The following FOXC2 variants were observed in gnomAD, a reference collection of about 807,000 sequenced individuals.
FOXC2 encodes forkhead box C2, also known as forkhead box protein C2.
Under a neutral mutation model 7.2 loss-of-function variants are expected in FOXC2, and 7 were observed. That is an observed-to-expected ratio of 0.97 (90% CI 0.55 to 1.81). The LOEUF (loss-of-function observed/expected upper bound fraction) is 1.81, where lower values mean the gene tolerates loss of function less well. FOXC2 is among the 40% of genes most tolerant of loss of function. FOXC2 has a pLI of 0.00. For synonymous variants in FOXC2, 436 were observed against 350.4 expected (o/e 1.24, Z -2.73); for missense variants, 846 against 741.2 (o/e 1.14, Z -1.64).
Position 86,568,645 on chromosome 16 carries a change from G to A in FOXC2, c.1310G>A (p.Gly437Asp). 2 of 1,612,692 alleles carry A rather than the reference G, an allele frequency of 1.2e-6. No homozygotes were observed. The highest frequency in any genetic ancestry group is 1.7e-6 in the Non-Finnish European group (2 of 1,179,986). ...AGCGGGGACCTGAACCACCTCCCCG[G>A]CCACACGTTCGCGGCCCAGCAGCAA... ...NHSGDLNHLPGHTFAAQQQTF... is the reference protein window; with the variant it reads ...NHSGDLNHLPDHTFAAQQQTF... The change falls in exon 1 of 1, where the codon GGC becomes GAC. Residue 437 changes from glycine (G) to aspartate (D), a missense_variant. Coordinates refer to ENST00000649859, the MANE Select transcript of FOXC2 (RefSeq NM_005251.3). The surrounding 1 kb of genome is among the most constrained non-coding windows in gnomAD (Gnocchi z 5.2).
Position 86,568,181 on chromosome 16 carries a change from G to A in FOXC2, c.846G>A (p.Pro282=), listed in dbSNP as rs770503079. The change falls in exon 1 of 1, where the codon CCG becomes CCA. Residue 282 remains proline, a synonymous_variant. Coordinates refer to ENST00000649859, the MANE Select transcript of FOXC2 (RefSeq NM_005251.3). The surrounding 1 kb of genome is among the most constrained non-coding windows in gnomAD (Gnocchi z 5.2). Reference sequence around the variant, plus strand: ...ACATCATGACCCTGCGAACGTCGCCGCCGGGCGGAGAGCTGAGCCCGGGGG... The same window carrying A: ...ACATCATGACCCTGCGAACGTCGCCACCGGGCGGAGAGCTGAGCCCGGGGG... The part of the protein sequence containing the change: ...VENIMTLRTS[P]PGGELSPGAG... 25 of 1,286,956 alleles carry A rather than the reference G, an allele frequency of 1.9e-5. No individual in the cohort carries two copies. Among genetic ancestry groups the A allele is most frequent in the Admixed American group, 4.1e-5 (1 of 24,280 alleles). 79.7% of individuals were successfully genotyped at this position (1,286,956 alleles called of 1,614,324 possible).
At position 86,568,979 on chromosome 16, in the gene FOXC2, G is replaced by C. The variant is rs1974245656; in HGVS notation, c.*138G>C. ...CAACCTTTTCTCAGACCCGGGAGCAGAGAGCGGGCACGCTAGCCCCCAGCC... is the reference window on the plus strand; with the variant it reads ...CAACCTTTTCTCAGACCCGGGAGCACAGAGCGGGCACGCTAGCCCCCAGCC... On this transcript the variant is annotated 3_prime_UTR_variant, in exon 1 of 1. Coordinates refer to ENST00000649859, the MANE Select transcript of FOXC2 (RefSeq NM_005251.3). The surrounding 1 kb of genome is among the most constrained non-coding windows in gnomAD (Gnocchi z 5.2). 8.5e-7 allele frequency: 1 copy of C among 1,177,178 alleles called. No homozygotes were observed. Among genetic ancestry groups the C allele is most frequent in the South Asian group, 1.4e-5 (1 of 73,574 alleles). 72.9% of individuals were successfully genotyped at this position (1,177,178 alleles called of 1,614,324 possible).
In FOXC2 at chr16:86,568,026, C is replaced by G; in HGVS notation, c.691C>G (p.Leu231Val). 3.4e-6 allele frequency: 5 copies of G among 1,479,690 alleles called. No homozygotes were observed. Among genetic ancestry groups the G allele is most frequent in the Non-Finnish European group, 4.4e-6 (5 of 1,127,324 alleles). The allele number at this position is 1,479,690 out of a possible 1,614,324, so 91.7% of individuals were successfully genotyped here. Residue 231 changes from leucine (L) to valine (V), a missense_variant, in exon 1 of 1, where the codon CTG (leucine) becomes GTG (valine). Leu to Val is a conservative substitution (Grantham distance 32, BLOSUM62 1). Coordinates refer to ENST00000649859, the MANE Select transcript of FOXC2 (RefSeq NM_005251.3). This position sits in a 1 kb window ranked among gnomAD's most constrained non-coding sequence, Gnocchi z 5.2. ...GCCGGTCATCACCAAGGTGGAGACG[C>G]TGAGCCCCGAGAGCGCGCTGCAGGG... is the stretch of plus-strand genomic sequence containing the variant. Reference protein sequence around the residue: ...ALPVITKVETLSPESALQGSP... With the variant: ...ALPVITKVETVSPESALQGSP...
chr16:86,568,350 T>C lies in FOXC2; in HGVS notation c.1015T>C (p.Tyr339His). 3 of 1,362,758 alleles carry C rather than the reference T, an allele frequency of 2.2e-6. No homozygotes were observed. The highest frequency in any genetic ancestry group is 3.0e-5 in the African/African-American group (2 of 67,016). 84.4% of individuals were successfully genotyped at this position (1,362,758 alleles called of 1,614,324 possible). Residue 339 changes from tyrosine to histidine, a missense_variant, in exon 1 of 1, where the codon TAC becomes CAC. Tyr to His is a moderately conservative substitution (Grantham distance 83). Coordinates refer to ENST00000649859, the MANE Select transcript of FOXC2 (RefSeq NM_005251.3). The surrounding 1 kb of genome is among the most constrained non-coding windows in gnomAD (Gnocchi z 5.2). ...YQCSMRAMSL[Y>H]TGAERPAHMC... ...GTGCAGCATGCGAGCGATGAGCCTG[T>C]ACACCGGGGCCGAGCGGCCGGCGCA...
At position 86,568,081 on chromosome 16, in the gene FOXC2, C is replaced by A. The variant is rs754943026; in HGVS notation, c.746C>A (p.Ala249Asp). The change falls in exon 1 of 1, where the codon GCC becomes GAC. Residue 249 changes from alanine (A) to aspartate (D), a missense_variant. Physicochemically the swap from Ala to Asp is moderately radical, Grantham distance 126 (BLOSUM62 -2). Transcript: ENST00000649859. This position sits in a 1 kb window ranked among gnomAD's most constrained non-coding sequence, Gnocchi z 5.2. ...GSPRSAASTP[A>D]GSPDGSLPEH... Reference sequence around the variant, plus strand: ...CCGCGCAGCGCGGCCTCCACGCCCGCCGGCTCCCCCGACGGCTCGCTGCCG... The same window carrying A: ...CCGCGCAGCGCGGCCTCCACGCCCGACGGCTCCCCCGACGGCTCGCTGCCG... 2.3e-5 allele frequency: 32 copies of A among 1,410,500 alleles called. No homozygotes were observed. The highest frequency in any genetic ancestry group is 4.5e-4 in the Middle Eastern group (2 of 4,420). The allele number at this position is 1,410,500 out of a possible 1,614,324, so 87.4% of individuals were successfully genotyped here.
chr16:86,568,175 G>A lies in FOXC2; in HGVS notation c.840G>A (p.Thr280=), dbSNP rs1245956886. 3 of 1,288,396 alleles carry A rather than the reference G, an allele frequency of 2.3e-6. No individual in the cohort carries two copies. Among genetic ancestry groups the A allele is most frequent in the East Asian group, 3.2e-5 (1 of 31,272 alleles). 79.8% of individuals were successfully genotyped at this position (1,288,396 alleles called of 1,614,324 possible). A position where few individuals can be genotyped will look rare whatever the true frequency, so the allele number is the denominator to read the frequency against. The change falls in exon 1 of 1, where the codon ACG becomes ACA. Residue 280 remains threonine, a synonymous_variant. Transcript: ENST00000649859. The surrounding 1 kb of genome is among the most constrained non-coding windows in gnomAD (Gnocchi z 5.2). ...FSVENIMTLR[T]SPPGGELSPG... is the part of the protein sequence containing the mutation. ...TGGAGAACATCATGACCCTGCGAAC[G>A]TCGCCGCCGGGCGGAGAGCTGAGCC...
Position 86,569,116 on chromosome 16 carries a change from T to C in FOXC2, c.*275T>C. On this transcript the variant is annotated 3_prime_UTR_variant, in exon 1 of 1. Transcript: ENST00000649859. The stretch of plus-strand genomic sequence containing the variant: ...ATGAGTATTGATCTTAAAATCCCCC[T>C]CCCCTACCAGGACGGCTGTGCTGTG... 1.8e-6 allele frequency: 1 copy of C among 554,510 alleles called. No individual in the cohort carries two copies. The highest frequency in any genetic ancestry group is 3.3e-6 in the Non-Finnish European group (1 of 298,752). 34.3% of individuals were successfully genotyped at this position (554,510 alleles called of 1,614,324 possible).
At position 86,568,521 on chromosome 16, in the gene FOXC2, C is replaced by T. The variant is rs1974234526; in HGVS notation, c.1186C>T (p.His396Tyr). 7.8e-7 allele frequency: 1 copy of T among 1,283,050 alleles called. No homozygotes were observed. The highest frequency in any genetic ancestry group is 9.8e-7 in the Non-Finnish European group (1 of 1,016,262). The allele number at this position is 1,283,050 out of a possible 1,614,324, so 79.5% of individuals were successfully genotyped here. A position where few individuals can be genotyped will look rare whatever the true frequency, so the allele number is the denominator to read the frequency against. The stretch of plus-strand genomic sequence containing the variant: ...CCACCACCAGCACCACGGCCACCAC[C>T]ACCCGCAGGCGCCGCCGCCCCCGCC... The part of the protein sequence containing the change: ...GHHHQHHGHH[H>Y]PQAPPPPPAP... Residue 396 changes from histidine to tyrosine, a missense_variant, in exon 1 of 1, where the codon CAC becomes TAC. Physicochemically the swap from His to Tyr is moderately conservative, Grantham distance 83 (BLOSUM62 2). This residue lies in a region of FOXC2 where 640 missense variants were observed against 503.2 expected (regional missense o/e 1.27). Transcript: ENST00000649859. This position sits in a 1 kb window ranked among gnomAD's most constrained non-coding sequence, Gnocchi z 5.2.
chr16:86,568,550 TCCCCAGCCCCAGCCGACG>T lies in FOXC2; in HGVS notation c.1218_1235del (p.Gln409_Pro414del). 7.5e-7 allele frequency: 1 copy of T among 1,328,134 alleles called. No homozygotes were observed. The highest frequency in any genetic ancestry group is 1.5e-5 in the African/African-American group (1 of 64,584). The allele number at this position is 1,328,134 out of a possible 1,614,324, so 82.3% of individuals were successfully genotyped here. A position where few individuals can be genotyped will look rare whatever the true frequency, so the allele number is the denominator to read the frequency against. On this transcript the variant is annotated inframe_deletion, in exon 1 of 1. Coordinates refer to ENST00000649859, the MANE Select transcript of FOXC2 (RefSeq NM_005251.3). This position sits in a 1 kb window ranked among gnomAD's most constrained non-coding sequence, Gnocchi z 5.2. ...CGCAGGCGCCGCCGCCCCCGCCGGC[TCCCCAGCCCCAGCCGACG>T]CCGCAGCCCGGGGCCGCCGCGGCGC... is the stretch of plus-strand genomic sequence containing the variant.
Position 86,568,810 on chromosome 16 carries a change from C to T in FOXC2, c.1475C>T (p.Ala492Val), listed in dbSNP as rs748321311. The change falls in exon 1 of 1, where the codon GCC becomes GTC. Residue 492 changes from alanine to valine, a missense_variant. Physicochemically the swap from Ala to Val is moderately conservative, Grantham distance 64 (BLOSUM62 0). Around this residue, in one of 3 missense-constraint regions of FOXC2, gnomAD observed 640 missense variants for 503.2 expected, o/e 1.27. Coordinates refer to ENST00000649859, the MANE Select transcript of FOXC2 (RefSeq NM_005251.3). The surrounding 1 kb of genome is among the most constrained non-coding windows in gnomAD (Gnocchi z 5.2). The stretch of plus-strand genomic sequence containing the variant: ...ACGCCGCCTCTCTATCGCCACGCAG[C>T]CCCCTACTCCTACGACTGCACGAAA... The part of the protein sequence containing the change: ...RSTPPLYRHA[A>V]PYSYDCTKY The T allele has an allele frequency of 5.0e-6, 8 of 1,612,890 alleles. No individual in the cohort carries two copies. In the Admixed American group the frequency reaches 5.0e-5, roughly 10 times the overall value.
rs1974241823 is a variant in FOXC2 at position 86,568,826 on chromosome 16, C to G, written c.1491C>G (p.Asp497Glu). ...GCCACGCAGCCCCCTACTCCTACGA[C>G]TGCACGAAATACTGACGTGTCCCGG... ...LYRHAAPYSYDCTKY is the reference protein window; with the variant it reads ...LYRHAAPYSYECTKY Residue 497 changes from aspartate (D) to glutamate (E), a missense_variant, in exon 1 of 1, where the codon GAC (aspartate) becomes GAG (glutamate). By Grantham distance (45) the Asp-to-Glu change is conservative (BLOSUM62 2). This residue lies in a region of FOXC2 where 640 missense variants were observed against 503.2 expected (regional missense o/e 1.27). Transcript: ENST00000649859. This position sits in a 1 kb window ranked among gnomAD's most constrained non-coding sequence, Gnocchi z 5.2. 1.9e-6 allele frequency: 3 copies of G among 1,612,974 alleles called. No individual in the cohort carries two copies. The highest frequency in any genetic ancestry group is 2.5e-6 in the Non-Finnish European group (3 of 1,179,960).
In FOXC2 at chr16:86,568,061, C is replaced by T; in HGVS notation, c.726C>T (p.Arg242=). 6.9e-7 allele frequency: 1 copy of T among 1,444,846 alleles called. No homozygotes were observed. The highest frequency in any genetic ancestry group is 9.0e-7 in the Non-Finnish European group (1 of 1,109,528). The allele number at this position is 1,444,846 out of a possible 1,614,324, so 89.5% of individuals were successfully genotyped here. Residue 242 remains arginine (R), a synonymous_variant, in exon 1 of 1, where the codon CGC becomes CGT. Transcript: ENST00000649859. The surrounding 1 kb of genome is among the most constrained non-coding windows in gnomAD (Gnocchi z 5.2). ...AGAGCGCGCTGCAGGGCAGCCCGCG[C>T]AGCGCGGCCTCCACGCCCGCCGGCT... ...SPESALQGSP[R]SAASTPAGSP...
Position 86,568,919 on chromosome 16 carries a change from T to C in FOXC2, c.*78T>C. 1.9e-6 allele frequency: 3 copies of C among 1,579,236 alleles called. No individual in the cohort carries two copies. The highest frequency in any genetic ancestry group is 1.7e-6 in the Non-Finnish European group (2 of 1,159,136). On this transcript the variant is annotated 3_prime_UTR_variant, in exon 1 of 1. Transcript: ENST00000649859. The surrounding 1 kb of genome is among the most constrained non-coding windows in gnomAD (Gnocchi z 5.2). Reference sequence around the variant, plus strand: ...CGACCCAACCAGACAATTAAGGGGCTGCAGAGACGCAAAAAAGAAACAAAA... The same window carrying C: ...CGACCCAACCAGACAATTAAGGGGCCGCAGAGACGCAAAAAAGAAACAAAA...
At position 86,567,725 on chromosome 16, in the gene FOXC2, C is replaced by T; in HGVS notation, c.390C>T (p.Phe130=). ...ACAACCTCTCGCTCAACGAGTGCTTCGTCAAGGTGCCCCGCGACGACAAGA... is the reference window on the plus strand; with the variant it reads ...ACAACCTCTCGCTCAACGAGTGCTTTGTCAAGGTGCCCCGCGACGACAAGA... ...IRHNLSLNEC[F]VKVPRDDKKP... Residue 130 remains phenylalanine, a synonymous_variant, in exon 1 of 1, where the codon TTC becomes TTT. Coordinates refer to ENST00000649859, the MANE Select transcript of FOXC2 (RefSeq NM_005251.3). 1.2e-6 allele frequency: 2 copies of T among 1,614,208 alleles called. No homozygotes were observed. The highest frequency in any genetic ancestry group is 1.7e-5 in the Admixed American group (1 of 60,038).
At position 86,568,586 on chromosome 16, in the gene FOXC2, C is replaced by T; in HGVS notation, c.1251C>T (p.Ala417=). The change falls in exon 1 of 1, where the codon GCC becomes GCT. Residue 417 remains alanine, a synonymous_variant. Coordinates refer to ENST00000649859, the MANE Select transcript of FOXC2 (RefSeq NM_005251.3). The surrounding 1 kb of genome is among the most constrained non-coding windows in gnomAD (Gnocchi z 5.2). ...AGCCGACGCCGCAGCCCGGGGCCGC[C>T]GCGGCGCAGGCGGCCTCCTGGTATC... is the stretch of plus-strand genomic sequence containing the variant. The part of the protein sequence containing the change: ...QPQPTPQPGA[A]AAQAASWYLN... 2 of 1,600,868 alleles carry T rather than the reference C, an allele frequency of 1.2e-6. No homozygotes were observed. The highest frequency in any genetic ancestry group is 2.3e-5 in the East Asian group (1 of 44,266).
chr16:86,568,420 C>G lies in FOXC2; in HGVS notation c.1085C>G (p.Pro362Arg), dbSNP rs1320939868. 5.0e-6 allele frequency: 7 copies of G among 1,388,088 alleles called. No individual in the cohort carries two copies. The highest frequency in any genetic ancestry group is 1.5e-5 in the South Asian group (1 of 67,900). 86.0% of individuals were successfully genotyped at this position (1,388,088 alleles called of 1,614,324 possible). A position where few individuals can be genotyped will look rare whatever the true frequency, so the allele number is the denominator to read the frequency against. Residue 362 changes from proline to arginine, a missense_variant, in exon 1 of 1, where the codon CCG becomes CGG. This residue lies in a region of FOXC2 where 640 missense variants were observed against 503.2 expected (regional missense o/e 1.27). Coordinates refer to ENST00000649859, the MANE Select transcript of FOXC2 (RefSeq NM_005251.3). The surrounding 1 kb of genome is among the most constrained non-coding windows in gnomAD (Gnocchi z 5.2). ...PALDEALSDH[P>R]SGPTSPLSAL... ...CTGGACGAGGCCCTCTCGGACCACC[C>G]GAGCGGCCCCACGTCGCCCCTGAGC...
Position 86,567,502 on chromosome 16 carries a change from A to G in FOXC2, c.167A>G (p.Tyr56Cys). ...TACAGCGCGGGGATGGGCCGCTCCT[A>G]CGCGCCCTACCACCACCACCAGCCC... ...EQYSAGMGRSYAPYHHHQPAA... is the reference protein window; with the variant it reads ...EQYSAGMGRSCAPYHHHQPAA... Residue 56 changes from tyrosine to cysteine, a missense_variant, in exon 1 of 1, where the codon TAC (tyrosine) becomes TGC (cysteine). Tyr to Cys is a radical substitution (Grantham distance 194). Around this residue, in one of 3 missense-constraint regions of FOXC2, gnomAD observed 154 missense variants for 134.2 expected, o/e 1.15. Transcript: ENST00000649859. 2 of 1,613,672 alleles carry G rather than the reference A, an allele frequency of 1.2e-6. No individual in the cohort carries two copies.
chr16:86,569,062 A>T lies in FOXC2; in HGVS notation c.*221A>T, dbSNP rs967646325. On this transcript the variant is annotated 3_prime_UTR_variant, in exon 1 of 1. Coordinates refer to ENST00000649859, the MANE Select transcript of FOXC2 (RefSeq NM_005251.3). ...CGCCCCGTTTCTGGGATCCCAGGAA[A>T]CCCCTCCAAAGGGACGCAGCCCAAC... 1 of 628,662 alleles carries T rather than the reference A, an allele frequency of 1.6e-6. No individual in the cohort carries two copies. Among genetic ancestry groups the T allele is most frequent in the African/African-American group, 1.9e-5 (1 of 54,026 alleles). The allele number at this position is 628,662 out of a possible 1,614,324, so 38.9% of individuals were successfully genotyped here. A position where few individuals can be genotyped will look rare whatever the true frequency, so the allele number is the denominator to read the frequency against.
rs1002290656 is a variant in FOXC2 at position 86,566,861 on chromosome 16, C to A, written c.-475C>A. 6.6e-6 allele frequency among the ~76,000 whole-genome samples: 1 copy of A among 152,154 alleles called. No individual in the cohort carries two copies. Among genetic ancestry groups the A allele is most frequent in the Admixed American group, 6.5e-5 (1 of 15,282 alleles). On this transcript the variant is annotated 5_prime_UTR_variant, in exon 1 of 1. Coordinates refer to ENST00000649859, the MANE Select transcript of FOXC2 (RefSeq NM_005251.3). The surrounding 1 kb of genome is among the most constrained non-coding windows in gnomAD (Gnocchi z 4.3). ...TTCCCAATCCCTAAAAGGGACTTGGCCTCTTTTTCTGGGCTCAGCGGGGCA... is the reference window on the plus strand; with the variant it reads ...TTCCCAATCCCTAAAAGGGACTTGGACTCTTTTTCTGGGCTCAGCGGGGCA...
Sources: gnomAD v4.1 joint callset for allele counts (sites outside exome capture counted in the v4.1 genomes callset) on GRCh38, gnomAD v4.1.1 for gene constraint, gnomAD v4.1.1 regional missense constraint, Gnocchi (gnomAD v3.1) non-coding constraint, MANE v1.5 for transcripts, NCBI Gene and HGNC (gene_info 2026-07-23, HGNC 2026-07-21) for gene names.